GALNT13: variants seen among roughly 807,000 people sequenced by gnomAD.
The protein encoded by GALNT13 is polypeptide N-acetylgalactosaminyltransferase 13.
GALNT13 carries 28 observed loss-of-function variants against 64.2 expected under a neutral mutation model. The observed-to-expected ratio is 0.44, with a 90% CI of 0.32 to 0.60. The LOEUF (loss-of-function observed/expected upper bound fraction) is 0.60. GALNT13 is among the 20% of genes least tolerant of loss of function. GALNT13 has a pLI of 0.05. For synonymous variants in GALNT13, 214 were observed against 224.6 expected, an observed-to-expected ratio of 0.95 and a Z score of 0.42; for missense variants, 577 against 669.8, an observed-to-expected ratio of 0.86 and a Z score of 1.53.
intron 3 of GALNT13, among the ~76,000 whole-genome samples, chr2:153,947,102 A>G (rs1691810850): frequency 6.6e-6 from 1 of 152,062 alleles, no homozygotes. Context: ...TAAATTTTAA[A>G]CAATTCCTAA....
chr2:153,307,845 TC>T, the GALNT13 span, among the ~76,000 whole-genome samples: 5 of 152,126 alleles, frequency 3.3e-5, no homozygotes, highest in South Asian at 1.0e-3. Context: ...CAGGGACCTA[TC>T]TCAAATTGTT....
chr2:153,828,955 G>A, the GALNT13 span, among the ~76,000 whole-genome samples: 2 of 152,162 alleles, frequency 1.3e-5, no homozygotes, highest in African/African-American at 4.8e-5. Flanking sequence ...CTCAGGCAGT[G>A]CCAAAATGCC....
chr2:153,652,859 G>A, the GALNT13 span, among the ~76,000 whole-genome samples: 1 of 151,994 alleles, frequency 6.6e-6, no homozygotes, highest in Non-Finnish European at 1.5e-5. Context: ...GAATTTATAG[G>A]TGAATCAGTA....
At chr2:154,159,424 C>G (rs1237650775) in intron 4 of GALNT13, among the ~76,000 whole-genome samples, 2 of 152,060 alleles carry the variant, frequency 1.3e-5, no homozygotes, top group African/African-American at 2.4e-5. Flanking sequence ...CATGAGACAC[C>G]GTGCCTGGCC....
At chr2:153,532,054 T>C in the GALNT13 span, among the ~76,000 whole-genome samples, 16 of 152,058 alleles carry the variant, frequency 1.1e-4, no homozygotes, top group African/African-American at 3.6e-4. Flanking sequence ...ACCATGGCCT[T>C]CTTCTCCCAG....
chr2:153,431,455 C>T, the GALNT13 span, among the ~76,000 whole-genome samples: 27 of 152,258 alleles, frequency 1.8e-4, no homozygotes, highest in Admixed American at 1.7e-3. Context: ...AGGGACAGAA[C>T]CTCACCTAGG....
the GALNT13 span, among the ~76,000 whole-genome samples, chr2:153,792,970 C>CTTTTTTTTTTTTT: frequency 2.0e-4 from 26 of 132,238 alleles, no homozygotes; most frequent in Non-Finnish European, 2.6e-4. Flanking sequence ...TTCTTTCTTT[C>CTTTTTTTTTTTTT]TTTTTTTTTT....
the GALNT13 span, among the ~76,000 whole-genome samples, chr2:153,173,821 G>A: frequency 1.3e-5 from 2 of 151,982 alleles, no homozygotes; most frequent in Admixed American, 1.3e-4. Flanking sequence ...ATCAATTATG[G>A]GTGAGACGCA....
intron 3 of GALNT13, among the ~76,000 whole-genome samples, chr2:154,055,856 G>A (rs1057028832): frequency 6.6e-6 from 1 of 152,046 alleles, no homozygotes; most frequent in Non-Finnish European, 1.5e-5. Flanking sequence ...AAGGCAGTAG[G>A]GTATGATCTA....
chr2:153,842,601 T>C, the GALNT13 span, among the ~76,000 whole-genome samples: 3 of 152,140 alleles, frequency 2.0e-5, no homozygotes, highest in Non-Finnish European at 4.4e-5. Flanking sequence ...GTTTTTTTTT[T>C]CTGAAGAAAA....
chr2:154,375,825 T>C (rs1327803944), intron 9 of GALNT13, among the ~76,000 whole-genome samples: 4 of 152,198 alleles, frequency 2.6e-5, no homozygotes, highest in Non-Finnish European at 5.9e-5. Flanking sequence ...CTTTAAGTTT[T>C]AAAAGGGAAA....
At chr2:154,030,576 G>A (rs1380523195) in intron 3 of GALNT13, among the ~76,000 whole-genome samples, 5 of 151,712 alleles carry the variant, frequency 3.3e-5, no homozygotes, top group Non-Finnish European at 5.9e-5. Context: ...TTATTGATAT[G>A]GTTTGGTTCT....
chr2:154,310,675 T>C (rs1263730223), intron 9 of GALNT13, among the ~76,000 whole-genome samples: 1 of 152,132 alleles, frequency 6.6e-6, no homozygotes, highest in Non-Finnish European at 1.5e-5. Context: ...TAACAACTTC[T>C]TTGTGAACCC....
chr2:153,718,908 A>G, the GALNT13 span, among the ~76,000 whole-genome samples: 2,268 of 152,232 alleles, frequency 0.015, 56 homozygotes, highest in African/African-American at 0.052. Context: ...TTTTTACACT[A>G]CATGTCTAAT....
At chr2:154,386,125 G>T (rs969492414) in intron 9 of GALNT13, among the ~76,000 whole-genome samples, 1 of 151,882 alleles carries the variant, frequency 6.6e-6, no homozygotes, top group Non-Finnish European at 1.5e-5. Flanking sequence ...GGTCCTGCTG[G>T]TTGCTGCACA....
the GALNT13 span, among the ~76,000 whole-genome samples, chr2:153,141,056 T>C: frequency 1.5e-5 from 2 of 130,776 alleles, no homozygotes; most frequent in African/African-American, 5.0e-5. Context: ...AAGAGAACCA[T>C]TAATCTTTCT....
intron 11 of GALNT13, among the ~76,000 whole-genome samples, chr2:154,431,617 C>T (rs1030466524): frequency 4.6e-5 from 7 of 152,104 alleles, no homozygotes; most frequent in Admixed American, 1.3e-4. Flanking sequence ...CATACATGTA[C>T]GTGAAAAAGA....
chr2:154,395,605 A>G (rs1699019595), intron 9 of GALNT13, among the ~76,000 whole-genome samples: 1 of 152,148 alleles, frequency 6.6e-6, no homozygotes, highest in Non-Finnish European at 1.5e-5. Flanking sequence ...CTCTATAGGG[A>G]AAGTGTGAAT....
At chr2:154,045,598 T>A (rs2105335631) in intron 3 of GALNT13, among the ~76,000 whole-genome samples, 1 of 152,330 alleles carries the variant, frequency 6.6e-6, no homozygotes, top group East Asian at 1.9e-4. Context: ...CAAGTGTTTT[T>A]GCTTCAGGAG....
Sources: allele counts gnomAD v4.1 joint callset (sites outside exome capture counted in the v4.1 genomes callset), GRCh38; gene constraint gnomAD v4.1.1; transcripts MANE v1.5; gene names NCBI Gene and HGNC (gene_info 2026-07-23, HGNC 2026-07-21).